Variants in ENTREP2 observed in about 807,000 individuals in gnomAD.
The protein encoded by ENTREP2 is protein ENTREP2.
chr15:29,582,249 G>A, the ENTREP2 span, among the ~76,000 whole-genome samples: 1 of 152,152 alleles, frequency 6.6e-6, no homozygotes, highest in Non-Finnish European at 1.5e-5. Flanking sequence ...ATGGACATCT[G>A]TAAGCAAAAA....
chr15:29,274,578 G>A, the ENTREP2 span, among the ~76,000 whole-genome samples: 6 of 152,158 alleles, frequency 3.9e-5, no homozygotes, highest in East Asian at 1.9e-4. Flanking sequence ...AGTGAGATAG[G>A]TTTACCCAGT....
At chr15:29,470,150 A>G in the ENTREP2 span, among the ~76,000 whole-genome samples, 1 of 152,220 alleles carries the variant, frequency 6.6e-6, no homozygotes, top group South Asian at 2.1e-4. Context: ...TCACACACAT[A>G]CCACAGACAG....
At chr15:29,562,588 T>C in the ENTREP2 span, among the ~76,000 whole-genome samples, 3 of 152,320 alleles carry the variant, frequency 2.0e-5, no homozygotes, top group Non-Finnish European at 2.9e-5. Flanking sequence ...AACTTTTCTA[T>C]AAGTTAGAAA....
At chr15:29,136,993 T>A in the ENTREP2 span, 4 of 1,392,378 alleles carry the variant, frequency 2.9e-6, no homozygotes, top group Non-Finnish European at 3.7e-6. Context: ...CTGCTGCCCA[T>A]CTTAGTGGTT....
the ENTREP2 span, among the ~76,000 whole-genome samples, chr15:29,426,494 G>A: frequency 1.3e-5 from 2 of 151,702 alleles, no homozygotes; most frequent in East Asian, 1.9e-4. Context: ...CCTGTCTGAC[G>A]TCTTACATGT....
chr15:29,493,495 T>A, the ENTREP2 span, among the ~76,000 whole-genome samples: 5 of 152,112 alleles, frequency 3.3e-5, no homozygotes, highest in African/African-American at 9.7e-5. Context: ...GCACGCTTAA[T>A]GCTGAGCATT....
chr15:29,371,871 A>G, the ENTREP2 span, among the ~76,000 whole-genome samples: 3 of 152,086 alleles, frequency 2.0e-5, no homozygotes, highest in Non-Finnish European at 2.9e-5. Flanking sequence ...TAGAGCATCT[A>G]TCCACTAGGA....
the ENTREP2 span, among the ~76,000 whole-genome samples, chr15:29,366,106 C>T: frequency 5.3e-5 from 8 of 152,174 alleles, no homozygotes; most frequent in Non-Finnish European, 7.3e-5. Context: ...TGAAGTCTTG[C>T]TCTGTCACCT....
chr15:29,624,814 C>T, the ENTREP2 span, among the ~76,000 whole-genome samples: 1 of 151,982 alleles, frequency 6.6e-6, no homozygotes, highest in Non-Finnish European at 1.5e-5. Flanking sequence ...GAAATTAACA[C>T]TGCTACATTA....
chr15:29,618,436 A>G, the ENTREP2 span, among the ~76,000 whole-genome samples: 1 of 152,112 alleles, frequency 6.6e-6, no homozygotes, highest in East Asian at 1.9e-4. Context: ...AAAAAAAAAA[A>G]AAAATGTTTT....
At chr15:29,196,992 C>T in the ENTREP2 span, among the ~76,000 whole-genome samples, 3 of 152,304 alleles carry the variant, frequency 2.0e-5, no homozygotes, top group East Asian at 5.8e-4. Flanking sequence ...TCCATCAAGA[C>T]CCAACTCCAG....
the ENTREP2 span, among the ~76,000 whole-genome samples, chr15:29,258,083 C>T: frequency 6.6e-6 from 1 of 151,982 alleles, no homozygotes; most frequent in African/African-American, 2.4e-5. Context: ...CGTGCTGGCA[C>T]GCGCCTGTAA....
chr15:29,605,208 A>T, the ENTREP2 span, among the ~76,000 whole-genome samples: 1 of 152,194 alleles, frequency 6.6e-6, no homozygotes. Flanking sequence ...TGGAGCAAAG[A>T]GATTGTCAGG....
chr15:29,491,795 T>C, the ENTREP2 span, among the ~76,000 whole-genome samples: 1 of 152,186 alleles, frequency 6.6e-6, no homozygotes, highest in Non-Finnish European at 1.5e-5. Context: ...AGAAAACAAG[T>C]TTCCAATCAT....
the ENTREP2 span, among the ~76,000 whole-genome samples, chr15:29,543,929 C>G: frequency 6.6e-6 from 1 of 151,966 alleles, no homozygotes; most frequent in Non-Finnish European, 1.5e-5. Context: ...TACATTTCCA[C>G]TCCGATTTTA....
At chr15:29,264,162 A>AAAAAAAAAAAAAAAAAC in the ENTREP2 span, among the ~76,000 whole-genome samples, 1 of 148,358 alleles carries the variant, frequency 6.7e-6, no homozygotes, top group South Asian at 2.2e-4. Context: ...CTCAAAAAAA[A>AAAAAAAAAAAAAAAAAC]AAAGAACTCC....
chr15:29,267,779 A>T, the ENTREP2 span: 19 of 152,358 alleles, frequency 1.2e-4, no homozygotes, highest in East Asian at 3.1e-3. Flanking sequence ...AAAAAATAAA[A>T]ACATTAAAGA....
the ENTREP2 span, among the ~76,000 whole-genome samples, chr15:29,660,777 C>A: frequency 6.6e-6 from 1 of 152,178 alleles, no homozygotes; most frequent in Non-Finnish European, 1.5e-5. Flanking sequence ...TTGAACAACA[C>A]AGGTTTGAAC....
the ENTREP2 span, among the ~76,000 whole-genome samples, chr15:29,224,056 G>C: frequency 6.6e-6 from 1 of 152,210 alleles, no homozygotes; most frequent in Non-Finnish European, 1.5e-5. Flanking sequence ...CTCACACTGA[G>C]TGTTACAGTT....
Sources: gnomAD v4.1 joint callset for allele counts (sites outside exome capture counted in the v4.1 genomes callset) on GRCh38, gnomAD v4.1.1 for gene constraint, MANE v1.5 for transcripts, NCBI Gene and HGNC (gene_info 2026-07-23, HGNC 2026-07-21) for gene names.